Variants in BRINP3 observed in about 807,000 individuals in gnomAD.
The protein encoded by BRINP3 is BMP/retinoic acid-inducible neural-specific protein 3.
A neutral mutation model predicts 71.0 loss-of-function variants in BRINP3; 19 were observed. The observed-to-expected ratio is 0.27, with a 90% CI of 0.19 to 0.39. The LOEUF (loss-of-function observed/expected upper bound fraction) is 0.39. Ranked by LOEUF, BRINP3 falls within the 10% of genes least tolerant of loss-of-function variation. The probability of loss-of-function intolerance (pLI) is 1.00; values close to 1 mark genes in which losing one functional copy is unlikely to be tolerated. For missense variants in BRINP3, 959 were observed against 940.8 expected, an observed-to-expected ratio of 1.02 and a Z score of -0.25; for synonymous variants, 380 against 337.7, an observed-to-expected ratio of 1.13 and a Z score of -1.37.
rs980065581 is a variant in BRINP3, at chr1:190,402,724, T to C, written c.236+51931A>G. On this transcript the variant is annotated intron_variant, in intron 2 of 7. Coordinates refer to ENST00000367462, the MANE Select transcript of BRINP3 (RefSeq NM_199051.3). ...ATGTACTTTATTTATTTGTTCTTCA[T>C]TTATTTATTCATTTATCTATTTATT... 5.3e-5 allele frequency among the ~76,000 whole-genome samples: 8 copies of C among 152,306 alleles called. 1 individual carries two copies. The highest frequency in any genetic ancestry group is 3.9e-4 in the Admixed American group (6 of 15,308).
intron 2 of BRINP3, among the ~76,000 whole-genome samples, chr1:190,424,793 C>A (rs1673597828): frequency 6.6e-6 from 1 of 151,644 alleles, no homozygotes; most frequent in Non-Finnish European, 1.5e-5. Context: ...CTAGAAGTCT[C>A]TGAAATATTA....
At chr1:190,385,888 A>C (rs569595512) in intron 2 of BRINP3, among the ~76,000 whole-genome samples, 3 of 147,512 alleles carry the variant, frequency 2.0e-5, no homozygotes, top group Non-Finnish European at 4.5e-5. Flanking sequence ...ACACCATGGA[A>C]TACTATGCAG....
chr1:190,331,116 A>T (rs1049235354), intron 2 of BRINP3, among the ~76,000 whole-genome samples: 8 of 151,354 alleles, frequency 5.3e-5, no homozygotes, highest in African/African-American at 9.7e-5. Context: ...AAATTTAAAA[A>T]CTCTATATCC....
At chr1:190,207,100 C>A (rs1345890052) in intron 6 of BRINP3, among the ~76,000 whole-genome samples, 3 of 151,008 alleles carry the variant, frequency 2.0e-5, no homozygotes, top group Non-Finnish European at 4.4e-5. Context: ...CTTTGTGATA[C>A]ACTGAGCTCC....
intron 2 of BRINP3, among the ~76,000 whole-genome samples, chr1:190,370,289 T>C (rs1305345461): frequency 2.6e-5 from 4 of 152,096 alleles, no homozygotes; most frequent in Non-Finnish European, 1.5e-5. Context: ...GAAATTATTA[T>C]AGAAACAGAA....
chr1:190,141,555 C>CTTTTTTTTTTTTTTTTTTTTTT (rs35090212), intron 7 of BRINP3, among the ~76,000 whole-genome samples: 1 of 82,376 alleles, frequency 1.2e-5, no homozygotes, highest in African/African-American at 5.2e-5. Context: ...TCTTTCTTTC[C>CTTTTTTTTTTTTTTTTTTTTTT]TTTTTTTTTT....
At chr1:190,362,148 TC>T (rs780175337) in intron 2 of BRINP3, 1 of 152,152 alleles carries the variant, frequency 6.6e-6, no homozygotes, top group Non-Finnish European at 1.5e-5. Flanking sequence ...GGTACCCTAA[TC>T]TCAGACTTCC....
At chr1:190,344,491 G>T (rs1254154632) in intron 2 of BRINP3, among the ~76,000 whole-genome samples, 2 of 151,818 alleles carry the variant, frequency 1.3e-5, no homozygotes, top group Non-Finnish European at 3.0e-5. Context: ...AGATTTGATT[G>T]TCTATTACTA....
At chr1:190,130,128 C>T (rs1302461763) in intron 7 of BRINP3, among the ~76,000 whole-genome samples, 1 of 151,944 alleles carries the variant, frequency 6.6e-6, no homozygotes, top group Non-Finnish European at 1.5e-5. Flanking sequence ...TTTCTTATCT[C>T]TCTAGTTTGC....
At chr1:190,163,831 T>C (rs1398467954) in intron 6 of BRINP3, among the ~76,000 whole-genome samples, 2 of 152,136 alleles carry the variant, frequency 1.3e-5, no homozygotes, top group Admixed American at 6.6e-5. Flanking sequence ...TAGTTAACAC[T>C]TGATAACCAA....
intron 7 of BRINP3, among the ~76,000 whole-genome samples, chr1:190,156,486 T>C (rs995864475): frequency 1.1e-4 from 16 of 151,702 alleles, no homozygotes; most frequent in South Asian, 2.1e-4. Flanking sequence ...CATTCTACCA[T>C]ATTCTACCCT....
At chr1:190,334,809 T>A (rs1667184654) in intron 2 of BRINP3, among the ~76,000 whole-genome samples, 1 of 151,738 alleles carries the variant, frequency 6.6e-6, no homozygotes, top group Admixed American at 6.6e-5. Flanking sequence ...TCTTGCAATA[T>A]GAACTGATAT....
At chr1:190,306,026 T>A (rs1436158114) in intron 2 of BRINP3, among the ~76,000 whole-genome samples, 1 of 151,884 alleles carries the variant, frequency 6.6e-6, no homozygotes, top group African/African-American at 2.4e-5. Flanking sequence ...TTGTTGGCAA[T>A]ATTCAACTGA....
At chr1:190,240,083 A>G in intron 4 of BRINP3, among the ~76,000 whole-genome samples, 1 of 151,758 alleles carries the variant, frequency 6.6e-6, no homozygotes, top group East Asian at 1.9e-4. Flanking sequence ...ATAATAGACT[A>G]GGAACTAACT....
At chr1:190,374,567 C>T (rs987085087) in intron 2 of BRINP3, among the ~76,000 whole-genome samples, 8 of 151,970 alleles carry the variant, frequency 5.3e-5, no homozygotes, top group African/African-American at 1.7e-4. Flanking sequence ...AACTGAAAAA[C>T]TTATACAAAC....
chr1:190,168,957 G>A, intron 6 of BRINP3, among the ~76,000 whole-genome samples: 1 of 152,152 alleles, frequency 6.6e-6, no homozygotes, highest in East Asian at 1.9e-4. Flanking sequence ...AGTTACAAGA[G>A]TTAAAGATTC....
intron 4 of BRINP3, among the ~76,000 whole-genome samples, chr1:190,235,090 CT>C (rs1475932647): frequency 6.6e-6 from 1 of 152,054 alleles, no homozygotes; most frequent in African/African-American, 2.4e-5. Flanking sequence ...CTTCTCCTTT[CT>C]CAACTTTGAC....
intron 2 of BRINP3, among the ~76,000 whole-genome samples, chr1:190,418,842 C>G (rs1673173409): frequency 6.6e-6 from 1 of 152,026 alleles, no homozygotes; most frequent in African/African-American, 2.4e-5. Context: ...AGAAAAAGCA[C>G]CTCGGCACAC....
At chr1:190,275,381 A>G (rs10920681) in intron 3 of BRINP3, among the ~76,000 whole-genome samples, 1 of 151,220 alleles carries the variant, frequency 6.6e-6, no homozygotes, top group African/African-American at 2.4e-5. Context: ...CTTAATGTGC[A>G]TATAAATCAC....
Sources: allele counts gnomAD v4.1 joint callset (sites outside exome capture counted in the v4.1 genomes callset), GRCh38; gene constraint gnomAD v4.1.1; transcripts MANE v1.5; gene names NCBI Gene and HGNC (gene_info 2026-07-23, HGNC 2026-07-21).